CHLSN: variants seen among roughly 807,000 people sequenced by gnomAD.
CHLSN encodes the protein protein cholesin.
the CHLSN span, among the ~76,000 whole-genome samples, chr7:1,079,094 C>T: frequency 3.3e-5 from 5 of 152,136 alleles, no homozygotes; most frequent in Admixed American, 3.3e-4. Flanking sequence ...GAGGAGGCAG[C>T]GAGGCCTTTG....
chr7:982,773 G>C, the CHLSN span, among the ~76,000 whole-genome samples: 1 of 152,216 alleles, frequency 6.6e-6, no homozygotes, highest in African/African-American at 2.4e-5. Context: ...CAAACCCTGA[G>C]CTCCACAGGG....
chr7:1,087,076 C>T, the CHLSN span: 1 of 152,370 alleles, frequency 6.6e-6, no homozygotes, highest in South Asian at 2.1e-4. Flanking sequence ...ATTCAAATGG[C>T]CAGTAGGGGG....
chr7:1,072,735 G>C, the CHLSN span, among the ~76,000 whole-genome samples: 2 of 141,434 alleles, frequency 1.4e-5, no homozygotes, highest in African/African-American at 2.7e-5. Context: ...CCAGGCTAGA[G>C]TGCAGTGGCG....
the CHLSN span, chr7:1,093,749 G>A: frequency 8.8e-6 from 4 of 454,604 alleles, no homozygotes; most frequent in Admixed American, 4.8e-5. Context: ...CCCATAAAAT[G>A]TAAGAAAAGC....
At chr7:1,087,149 G>A in the CHLSN span, 1 of 152,258 alleles carries the variant, frequency 6.6e-6, no homozygotes, top group East Asian at 1.9e-4. Context: ...CGGGGAGGGA[G>A]GTTTATTCTC....
At chr7:1,034,757 C>T in the CHLSN span, among the ~76,000 whole-genome samples, 2 of 151,614 alleles carry the variant, frequency 1.3e-5, no homozygotes, top group African/African-American at 4.8e-5. Context: ...CCTTCTCTCC[C>T]TCCTCCCACC....
the CHLSN span, among the ~76,000 whole-genome samples, chr7:1,132,884 A>T: frequency 6.6e-6 from 1 of 152,100 alleles, no homozygotes; most frequent in Non-Finnish European, 1.5e-5. Flanking sequence ...AAGATACACG[A>T]ATGACCAACA....
chr7:978,284 G>A, the CHLSN span, among the ~76,000 whole-genome samples: 2 of 152,206 alleles, frequency 1.3e-5, no homozygotes, highest in East Asian at 3.8e-4. Context: ...CTGGGAAGCC[G>A]AGGTGGGCGG....
At chr7:1,092,974 C>T in the CHLSN span, 4 of 951,468 alleles carry the variant, frequency 4.2e-6, no homozygotes, top group Non-Finnish European at 6.7e-6. Context: ...GCTTCTGGCT[C>T]CTCGGGGCCT....
the CHLSN span, among the ~76,000 whole-genome samples, chr7:1,136,119 AAT>A: frequency 1.6e-5 from 1 of 63,588 alleles, no homozygotes; most frequent in Non-Finnish European, 2.7e-5. Context: ...TATATACATA[AAT>A]ATATATAAAT....
At chr7:1,022,861 C>G in the CHLSN span, 2 of 362,922 alleles carry the variant, frequency 5.5e-6, no homozygotes, top group African/African-American at 2.1e-5. Context: ...AGAAGACCCA[C>G]GCATACGAGT....
chr7:1,118,823 A>AG, the CHLSN span, among the ~76,000 whole-genome samples: 1 of 144,730 alleles, frequency 6.9e-6, no homozygotes, highest in African/African-American at 2.6e-5. Context: ...AAAAAAAAAA[A>AG]GAGGTACTTA....
At chr7:1,016,184 C>T in the CHLSN span, among the ~76,000 whole-genome samples, 6 of 83,240 alleles carry the variant, frequency 7.2e-5, no homozygotes, top group East Asian at 1.7e-3. Context: ...CAGCAGCACA[C>T]GCCAGCACAC....
chr7:1,017,571 C>G, the CHLSN span, among the ~76,000 whole-genome samples: 1 of 152,164 alleles, frequency 6.6e-6, no homozygotes, highest in African/African-American at 2.4e-5. Context: ...CTCCACACAG[C>G]GGGGTGGAGG....
the CHLSN span, among the ~76,000 whole-genome samples, chr7:994,729 G>A: frequency 3.9e-5 from 6 of 152,330 alleles, no homozygotes; most frequent in Middle Eastern, 3.4e-3. Context: ...GTGAGCCGCC[G>A]CACCCGGCAT....
the CHLSN span, chr7:1,027,008 A>AGCACCCGCC: frequency 6.6e-6 from 1 of 152,230 alleles, no homozygotes; most frequent in Non-Finnish European, 1.5e-5. Context: ...CCGGAGACAC[A>AGCACCCGCC]GCACCCGCCG....
chr7:1,118,508 A>G, the CHLSN span, among the ~76,000 whole-genome samples: 1 of 152,134 alleles, frequency 6.6e-6, no homozygotes, highest in Non-Finnish European at 1.5e-5. Context: ...CTAACAAGAA[A>G]CAAGCAAGAC....
chr7:989,149 T>G, the CHLSN span: 1 of 342,388 alleles, frequency 2.9e-6, no homozygotes. Flanking sequence ...CCCCAGCACC[T>G]ACAGCTGGGG....
chr7:1,028,888 GTCTGACTCCATGTCCCCCCATCTC>G, the CHLSN span: 1 of 630,430 alleles, frequency 1.6e-6, no homozygotes, highest in Non-Finnish European at 1.8e-6. Context: ...TCTCTCCCCA[GTCTGACTCCATGTCCCCCCATCTC>G]CCCCAGTCTG....
Sources: gnomAD v4.1 joint callset for allele counts (sites outside exome capture counted in the v4.1 genomes callset) on GRCh38, gnomAD v4.1.1 for gene constraint, MANE v1.5 for transcripts, NCBI Gene and HGNC (gene_info 2026-07-23, HGNC 2026-07-21) for gene names.